Variants in EIF4EBP2 observed in about 807,000 individuals in gnomAD.
The protein encoded by EIF4EBP2 is eukaryotic translation initiation factor 4E-binding protein 2.
EIF4EBP2 carries 5 observed loss-of-function variants against 10.3 expected under a neutral mutation model. The ratio of observed to expected loss-of-function variants is 0.48; its 90% confidence interval spans 0.25 to 1.02. The LOEUF is 1.02. Ranked by LOEUF, EIF4EBP2 falls within the 50% of genes least tolerant of loss-of-function variation. The pLI is 0.15. For missense variants in EIF4EBP2, 188 were observed against 162.2 expected (o/e 1.16, Z -0.86); for synonymous variants, 67 against 61.1 (o/e 1.10, Z -0.45).
intron 1 of EIF4EBP2, among the ~76,000 whole-genome samples, chr10:70,413,351 C>T (rs1329659528): frequency 6.6e-6 from 1 of 152,078 alleles, no homozygotes; most frequent in Non-Finnish European, 1.5e-5. Flanking sequence ...TGTGGGCAGG[C>T]TTGGTGGCGT....
intron 1 of EIF4EBP2, among the ~76,000 whole-genome samples, chr10:70,410,916 T>C (rs1845037675): frequency 6.6e-6 from 1 of 152,234 alleles, no homozygotes; most frequent in African/African-American, 2.4e-5. Context: ...TAATTCAATG[T>C]CTAGGCTTGA....
rs1166014581 is a variant in EIF4EBP2, at chr10:70,427,293, G to C, written c.*5546G>C. 6.6e-6 allele frequency: 1 copy of C among 152,160 alleles called. No individual in the cohort carries two copies. The highest frequency in any genetic ancestry group is 2.4e-5 in the African/African-American group (1 of 41,426). The allele number at this position is 152,160 out of a possible 1,614,324, so 9.4% of individuals were successfully genotyped here. A position where few individuals can be genotyped will look rare whatever the true frequency, so the allele number is the denominator to read the frequency against. ...CAGTTTCTGTCTGGACTTTGAGGTG[G>C]ACTTAGTTATCCCTACAGTTCTTTA... On this transcript the variant is annotated 3_prime_UTR_variant, in exon 3 of 3. Coordinates refer to ENST00000373218, the MANE Select transcript of EIF4EBP2 (RefSeq NM_004096.5).
At chr10:70,413,183 A>G (rs950048689) in intron 1 of EIF4EBP2, among the ~76,000 whole-genome samples, 11 of 152,096 alleles carry the variant, frequency 7.2e-5, no homozygotes, top group African/African-American at 2.4e-4. Context: ...TTGTATTATC[A>G]TTTTTGGCTC....
intron 1 of EIF4EBP2, among the ~76,000 whole-genome samples, chr10:70,415,306 AT>A (rs1332485379): frequency 2.0e-5 from 3 of 152,234 alleles, no homozygotes; most frequent in Non-Finnish European, 4.4e-5. Context: ...GAAGACCCAA[AT>A]AAGTGGAAAG....
intron 1 of EIF4EBP2, among the ~76,000 whole-genome samples, chr10:70,411,342 A>G (rs1347374791): frequency 6.6e-6 from 1 of 152,054 alleles, no homozygotes; most frequent in Non-Finnish European, 1.5e-5. Flanking sequence ...CCTTTCGTAA[A>G]TGAACATTCA....
intron 1 of EIF4EBP2, among the ~76,000 whole-genome samples, chr10:70,404,784 CTT>C (rs1207564174): frequency 6.6e-6 from 1 of 152,256 alleles, no homozygotes; most frequent in African/African-American, 2.4e-5. Context: ...AAAAAGAGCT[CTT>C]GTTTCCGCTT....
In EIF4EBP2 at chr10:70,404,452, C is replaced by T. The variant is rs1408102096; in HGVS notation, c.51C>T (p.Ile17=). ...ACCAGCCCAGCCAGAGCCGCGCCAT[C>T]CCCACCCGCACCGTGGCCATCAGCG... ...SGHQPSQSRA[I]PTRTVAISDA... Residue 17 remains isoleucine, a synonymous_variant, in exon 1 of 3, where the codon ATC becomes ATT. Transcript: ENST00000373218. 2 of 1,597,138 alleles carry T rather than the reference C, an allele frequency of 1.3e-6. No homozygotes were observed. The highest frequency in any genetic ancestry group is 1.7e-6 in the Non-Finnish European group (2 of 1,174,350).
chr10:70,410,394 G>T (rs1488610052), intron 1 of EIF4EBP2, among the ~76,000 whole-genome samples: 1 of 152,170 alleles, frequency 6.6e-6, no homozygotes, highest in Non-Finnish European at 1.5e-5. Context: ...AATTGTCTTT[G>T]TTGGTTTATT....
Position 70,427,298 on chromosome 10 carries a change from A to C in EIF4EBP2, c.*5551A>C, listed in dbSNP as rs925519746. On this transcript the variant is annotated 3_prime_UTR_variant, in exon 3 of 3. Transcript: ENST00000373218. ...TCTGTCTGGACTTTGAGGTGGACTT[A>C]GTTATCCCTACAGTTCTTTAACTCT... The C allele has an allele frequency of 6.6e-6, 1 of 152,234 alleles. No homozygotes were observed. The highest frequency in any genetic ancestry group is 1.5e-5 in the Non-Finnish European group (1 of 68,046). 9.4% of individuals were successfully genotyped at this position (152,234 alleles called of 1,614,324 possible).
rs965624129 is a variant in EIF4EBP2, at chr10:70,428,043, G to A, written c.*6296G>A. The A allele has an allele frequency of 1.3e-5, 2 of 150,636 alleles. No homozygotes were observed. The highest frequency in any genetic ancestry group is 2.9e-5 in the Non-Finnish European group (2 of 67,824). The allele number at this position is 150,636 out of a possible 1,614,324, so 9.3% of individuals were successfully genotyped here. On this transcript the variant is annotated 3_prime_UTR_variant, in exon 3 of 3. Coordinates refer to ENST00000373218, the MANE Select transcript of EIF4EBP2 (RefSeq NM_004096.5). The stretch of plus-strand genomic sequence containing the variant: ...GAGGAGGGAAGAACACTAGCAGGGA[G>A]CTAAGAGGCAGGTTGCTGGGTAAGC...
At position 70,404,555 on chromosome 10, in the gene EIF4EBP2, C is replaced by T; in HGVS notation, c.145+9C>T. 1.3e-6 allele frequency: 2 copies of T among 1,548,078 alleles called. No homozygotes were observed. The highest frequency in any genetic ancestry group is 1.2e-5 in the South Asian group (1 of 84,346). On this transcript the variant is annotated intron_variant, in intron 1 of 2. Coordinates refer to ENST00000373218, the MANE Select transcript of EIF4EBP2 (RefSeq NM_004096.5). ...CTCCACCACACCGGGAGGTGAGCGC[C>T]GGCCAGCCGTCCGCCGCGCCCGGTG...
intron 1 of EIF4EBP2, among the ~76,000 whole-genome samples, chr10:70,408,878 G>A (rs1469103905): frequency 6.6e-6 from 1 of 152,204 alleles, no homozygotes; most frequent in African/African-American, 2.4e-5. Context: ...TTAGAAAAAT[G>A]AGTGATAGGC....
At position 70,411,337 on chromosome 10, in the gene EIF4EBP2, C is replaced by A. The variant is rs975244077; in HGVS notation, c.145+6791C>A. ...TGGAACCACGTAGTAATTGTCCTTT[C>A]GTAAATGAACATTCATCAGTGTTCA... is the stretch of plus-strand genomic sequence containing the variant. On this transcript the variant is annotated intron_variant, in intron 1 of 2. Transcript: ENST00000373218. Among the ~76,000 whole-genome samples the A allele has an allele frequency of 2.6e-5, 4 of 151,928 alleles. No homozygotes were observed. The South Asian group carries it at 8.3e-4, about 31-fold the overall frequency.
At chr10:70,408,359 C>T (rs1252806996) in intron 1 of EIF4EBP2, among the ~76,000 whole-genome samples, 1 of 152,198 alleles carries the variant, frequency 6.6e-6, no homozygotes, top group Non-Finnish European at 1.5e-5. Context: ...CGTGATCTGC[C>T]CGCCTCGGCC....
At chr10:70,404,648 A>G in intron 1 of EIF4EBP2, 102 bp downstream of exon 1, 1 of 1,359,558 alleles carries the variant, frequency 7.4e-7, no homozygotes, top group Non-Finnish European at 9.5e-7. Flanking sequence ...CCCCAGCTCC[A>G]CCGAAGCCCC....
chr10:70,415,709 T>G (rs1232617218), intron 1 of EIF4EBP2, among the ~76,000 whole-genome samples: 1 of 152,158 alleles, frequency 6.6e-6, no homozygotes, highest in Non-Finnish European at 1.5e-5. Flanking sequence ...CTGATACAAC[T>G]GGATATGCAC....
At chr10:70,412,393 G>A (rs1041805759) in intron 1 of EIF4EBP2, among the ~76,000 whole-genome samples, 1 of 151,622 alleles carries the variant, frequency 6.6e-6, no homozygotes, top group African/African-American at 2.4e-5. Flanking sequence ...GATGGCGGCC[G>A]GGGGGTGGGG....
At chr10:70,413,127 C>G (rs1845061288) in intron 1 of EIF4EBP2, among the ~76,000 whole-genome samples, 1 of 152,164 alleles carries the variant, frequency 6.6e-6, no homozygotes. Context: ...TTATTACTTT[C>G]TGTCTCTTGT....
In EIF4EBP2 at chr10:70,425,892, G is replaced by C. The variant is rs561593592; in HGVS notation, c.*4145G>C. On this transcript the variant is annotated 3_prime_UTR_variant, in exon 3 of 3. Transcript: ENST00000373218. Reference sequence around the variant, plus strand: ...AATAGATGATGTTATCAGGAAGCCAGGTTCCCACCAGAGTCGGTGCTTGGT... The same window carrying C: ...AATAGATGATGTTATCAGGAAGCCACGTTCCCACCAGAGTCGGTGCTTGGT... The C allele has an allele frequency of 3.9e-5, 6 of 152,378 alleles. No individual in the cohort carries two copies. The highest frequency in any genetic ancestry group is 1.2e-4 in the African/African-American group (5 of 41,584). The allele number at this position is 152,378 out of a possible 1,614,324, so 9.4% of individuals were successfully genotyped here. A position where few individuals can be genotyped will look rare whatever the true frequency, so the allele number is the denominator to read the frequency against.
Sources: allele counts gnomAD v4.1 joint callset (sites outside exome capture counted in the v4.1 genomes callset), GRCh38; gene constraint gnomAD v4.1.1; transcripts MANE v1.5; gene names NCBI Gene and HGNC (gene_info 2026-07-23, HGNC 2026-07-21).